The following SET variants were observed in gnomAD, a reference collection of about 807,000 sequenced individuals.
SET encodes the protein protein SET.
In SET, 4 loss-of-function variants were observed where a neutral mutation model predicts 39.0. The observed-to-expected ratio is 0.10, with a 90% CI of 0.05 to 0.23. The LOEUF (loss-of-function observed/expected upper bound fraction) is 0.23, where lower values mean the gene tolerates loss of function less well. Ranked by LOEUF, SET falls within the 10% of genes least tolerant of loss-of-function variation. SET has a pLI of 1.00. For synonymous variants in SET, 114 were observed against 115.9 expected (o/e 0.98, Z 0.11); for missense variants, 137 against 329.7 (o/e 0.42, Z 4.53).
At chr9:128,694,549 C>T in intron 7 of SET, 92 bp from the exon 8 acceptor site, 1 of 763,514 alleles carries the variant, frequency 1.3e-6, no homozygotes, top group Non-Finnish European at 2.2e-6. Context: ...AACTGGAGTG[C>T]CCCCAGGGGC....
upstream of SET, among the ~76,000 whole-genome samples, chr9:128,688,076 T>A (rs1190366629): frequency 6.6e-6 from 1 of 152,122 alleles, no homozygotes; most frequent in Non-Finnish European, 1.5e-5. Context: ...CCGGGCATGG[T>A]GGCACGTGCC....
At chr9:128,691,823 C>T (rs1861546658) in intron 2 of SET, 35 bp from the exon 3 acceptor site, 4 of 1,585,176 alleles carry the variant, frequency 2.5e-6, no homozygotes, top group East Asian at 2.3e-5. Context: ...TTGTTAAATA[C>T]TATCATTGTC....
chr9:128,694,139 C>T (rs1284455025), intron 7 of SET, 97 bp downstream of exon 7: 4 of 1,094,692 alleles, frequency 3.7e-6, no homozygotes, highest in Non-Finnish European at 5.0e-6. Flanking sequence ...TAGAACTGAC[C>T]AGAACTGATT....
At position 128,691,166 on chromosome 9, in the gene SET, G is replaced by T. The variant is rs1425695420; in HGVS notation, c.74-4G>T. 6 of 1,595,224 alleles carry T rather than the reference G, an allele frequency of 3.8e-6. No individual in the cohort carries two copies. The highest frequency in any genetic ancestry group is 5.1e-6 in the Non-Finnish European group (6 of 1,171,280). ...GAATTAAGTTTTTTGCTCCTTTTTT[G>T]CAGAAAAAGAACAGCAAGAAGCGAT... On this transcript the variant is annotated splice_polypyrimidine_tract_variant and splice_region_variant and intron_variant, in intron 1 of 7. Coordinates refer to ENST00000322030, the MANE Select transcript of SET (RefSeq NM_003011.4).
upstream of SET, among the ~76,000 whole-genome samples, chr9:128,688,295 G>A (rs1861357118): frequency 6.6e-6 from 1 of 152,174 alleles, no homozygotes; most frequent in Non-Finnish European, 1.5e-5. Context: ...GACAGAATGT[G>A]GGGCATCCGC....
chr9:128,691,770 C>A, intron 2 of SET, 88 bp from the exon 3 acceptor site: 1 of 1,290,770 alleles, frequency 7.7e-7, no homozygotes, highest in Admixed American at 2.6e-5. Context: ...ATGACTCAAG[C>A]TAGTAAGTAA....
Position 128,691,130 on chromosome 9 carries a change from A to C in SET, c.74-40A>C, listed in dbSNP as rs371631776. Reference sequence around the variant, plus strand: ...GTATTAACATCTGGAAAACTAGGTAAATTTATCTTAGAATTAAGTTTTTTG... The same window carrying C: ...GTATTAACATCTGGAAAACTAGGTACATTTATCTTAGAATTAAGTTTTTTG... On this transcript the variant is annotated intron_variant, in intron 1 of 7. Coordinates refer to ENST00000322030, the MANE Select transcript of SET (RefSeq NM_003011.4). 4.6e-6 allele frequency: 7 copies of C among 1,520,490 alleles called. No homozygotes were observed. In the African/African-American group the frequency reaches 8.3e-5, roughly 18 times the overall value. 94.2% of individuals were successfully genotyped at this position (1,520,490 alleles called of 1,614,324 possible).
At chr9:128,683,519 G>A (rs1213249076), upstream of SET, 5 of 250,742 alleles carry the variant, frequency 2.0e-5, no homozygotes, top group Non-Finnish European at 3.9e-5. Context: ...TCTCAGTAGG[G>A]GCAGGCCTGT....
chr9:128,690,911 T>C (rs916084246), intron 1 of SET, among the ~76,000 whole-genome samples: 44 of 152,318 alleles, frequency 2.9e-4, no homozygotes, highest in East Asian at 1.9e-4. Context: ...TAATGATCGG[T>C]CTGTTGTAGT....
chr9:128,689,333 C>T lies in SET; in HGVS notation c.-250C>T, dbSNP rs1193045339. ...CCGAGCCGCCCGCCGCCGCCGCCTCCGCCTCCCCTCCGCGAACAGGAGCCC... is the reference window on the plus strand; with the variant it reads ...CCGAGCCGCCCGCCGCCGCCGCCTCTGCCTCCCCTCCGCGAACAGGAGCCC... On this transcript the variant is annotated 5_prime_UTR_variant, in exon 1 of 8. Coordinates refer to ENST00000322030, the MANE Select transcript of SET (RefSeq NM_003011.4). The T allele has an allele frequency of 3.8e-6, 4 of 1,043,074 alleles. No homozygotes were observed. In the African/African-American group the frequency reaches 5.1e-5, roughly 13 times the overall value. The allele number at this position is 1,043,074 out of a possible 1,614,324, so 64.6% of individuals were successfully genotyped here.
chr9:128,694,440 C>T (rs771863161), intron 7 of SET, among the ~76,000 whole-genome samples: 43 of 151,974 alleles, frequency 2.8e-4, no homozygotes, highest in Non-Finnish European at 5.3e-4. Context: ...TTATTTGATC[C>T]GAAATATACC....
exon 1 of SET, chr9:128,683,967 G>A (rs887796117): frequency 1.8e-5 from 28 of 1,557,012 alleles, no homozygotes; most frequent in East Asian, 1.5e-4. Context: ...CTCTGGGACC[G>A]GAGGAGACAT....
At chr9:128,685,409 C>T (rs1861250467), upstream of SET, among the ~76,000 whole-genome samples, 1 of 152,184 alleles carries the variant, frequency 6.6e-6, no homozygotes, top group Non-Finnish European at 1.5e-5. Context: ...CAGTGAGCTT[C>T]CTGGGAGCAT....
Position 128,692,902 on chromosome 9 carries a change from T to C in SET, c.413T>C (p.Val138Ala). 1.9e-6 allele frequency: 3 copies of C among 1,603,176 alleles called. No individual in the cohort carries two copies. The highest frequency in any genetic ancestry group is 2.6e-6 in the Non-Finnish European group (3 of 1,170,780). The change falls in exon 5 of 8, where the codon GTT becomes GCT. Residue 138 changes from valine (V) to alanine (A), a missense_variant. Physicochemically the swap from Val to Ala is moderately conservative, Grantham distance 64. Around this residue, in one of 3 missense-constraint regions of SET, gnomAD observed 59 missense variants for 237.2 expected, o/e 0.25. Transcript: ENST00000322030. ...GAAAATCCTTACTTTGAAAATAAAG[T>C]TCTCTCCAAAGAATTTCATCTGAAT... ...FDENPYFENKVLSKEFHLNES... is the reference protein window; with the variant it reads ...FDENPYFENKALSKEFHLNES...
chr9:128,689,950 C>G, intron 1 of SET: 1 of 554,532 alleles, frequency 1.8e-6, no homozygotes, highest in Non-Finnish European at 2.3e-6. Context: ...CTCCCCCTCC[C>G]TCCCTCCCGA....
In SET at chr9:128,692,966, A is replaced by G. The variant is rs1390029009; in HGVS notation, c.477A>G (p.Lys159=). The G allele has an allele frequency of 6.3e-7, 1 of 1,592,350 alleles. No homozygotes were observed. The highest frequency in any genetic ancestry group is 1.3e-5 in the African/African-American group (1 of 74,448). ...GDPSSKSTEI[K]WKSGKDLTKR... ...CATCTTCGAAGTCCACCGAAATCAAATGGAAATCTGGAAAGGTATGTTTTG... is the reference window on the plus strand; with the variant it reads ...CATCTTCGAAGTCCACCGAAATCAAGTGGAAATCTGGAAAGGTATGTTTTG... Residue 159 remains lysine, a synonymous_variant, in exon 5 of 8, where the codon AAA becomes AAG. Coordinates refer to ENST00000322030, the MANE Select transcript of SET (RefSeq NM_003011.4).
chr9:128,683,991 C>T, exon 1 of SET: 1 of 1,554,030 alleles, frequency 6.4e-7, no homozygotes, highest in Middle Eastern at 1.7e-4. Context: ...CCTCTGCAGG[C>T]TTGCCGAAGA....
chr9:128,686,958 G>A (rs543515558), upstream of SET, among the ~76,000 whole-genome samples: 2 of 152,180 alleles, frequency 1.3e-5, no homozygotes, highest in Non-Finnish European at 2.9e-5. Context: ...GAGAGACCCT[G>A]TCTCATAATA....
At chr9:128,694,531 G>T in intron 7 of SET, 110 bp from the exon 8 acceptor site, 1 of 653,770 alleles carries the variant, frequency 1.5e-6, no homozygotes. Flanking sequence ...CTGACTTACA[G>T]GTTTAGAAAC....
Sources: allele counts gnomAD v4.1 joint callset (sites outside exome capture counted in the v4.1 genomes callset), GRCh38; gene constraint gnomAD v4.1.1; regional missense constraint gnomAD v4.1.1; transcripts MANE v1.5; gene names NCBI Gene and HGNC (gene_info 2026-07-23, HGNC 2026-07-21).